Variants in FARP2 observed in about 807,000 individuals in gnomAD.
FARP2 encodes the protein FERM, ARH/RhoGEF and pleckstrin domain protein 2.
FARP2 carries 111 observed loss-of-function variants against 130.5 expected under a neutral mutation model. The observed-to-expected ratio is 0.85, with a 90% CI of 0.73 to 1.00. The LOEUF (loss-of-function observed/expected upper bound fraction) is 1.00. Among genes scored for constraint, FARP2 ranks in the 50% least tolerant of loss-of-function variants. FARP2 has a pLI of 0.00. For missense variants in FARP2, 1,385 were observed against 1,346.3 expected (o/e 1.03, Z -0.45); for synonymous variants, 504 against 516.9 (o/e 0.98, Z 0.34).
intron 1 of FARP2, among the ~76,000 whole-genome samples, chr2:241,364,637 A>G (rs1005658663): frequency 6.6e-6 from 1 of 152,266 alleles, no homozygotes; most frequent in African/African-American, 2.4e-5. Context: ...TCTTGGCAAG[A>G]AAACAGAAGA....
At chr2:241,493,697 C>A in intron 26 of FARP2, 1 of 532,638 alleles carries the variant, frequency 1.9e-6, no homozygotes, top group South Asian at 2.5e-5. Flanking sequence ...AGGGTTCAAG[C>A]GATTCTTCTG....
At chr2:241,388,613 A>G (rs2061840778) in intron 2 of FARP2, among the ~76,000 whole-genome samples, 1 of 152,202 alleles carries the variant, frequency 6.6e-6, no homozygotes, top group Admixed American at 6.5e-5. Context: ...TACATCTAGA[A>G]TATACTTTTT....
chr2:241,384,711 T>C (rs1484588115), intron 2 of FARP2, among the ~76,000 whole-genome samples: 1 of 152,192 alleles, frequency 6.6e-6, no homozygotes, highest in Non-Finnish European at 1.5e-5. Context: ...ACTGGTAAAG[T>C]CAGATCTTTG....
rs977678365 is a variant in FARP2, at chr2:241,468,227, T to A, written c.1981T>A (p.Tyr661Asn). The change falls in exon 18 of 27, where the codon TAC becomes AAC. Residue 661 changes from tyrosine to asparagine, a missense_variant. Tyr to Asn is a moderately radical substitution (Grantham distance 143, BLOSUM62 -2). Coordinates refer to ENST00000264042, the MANE Select transcript of FARP2 (RefSeq NM_014808.4). The stretch of plus-strand genomic sequence containing the variant: ...ACGCTGTAAGAAGTTGGAGGCAGTG[T>A]ACAAGGAGTTTGAGCTGCAGAAGGT... ...TKRCKKLEAV[Y>N]KEFELQKVCY... 2 of 1,613,998 alleles carry A rather than the reference T, an allele frequency of 1.2e-6. No individual in the cohort carries two copies. Among genetic ancestry groups the A allele is most frequent in the Non-Finnish European group, 1.7e-6 (2 of 1,180,012 alleles).
intron 13 of FARP2, among the ~76,000 whole-genome samples, chr2:241,448,186 A>AC (rs554428069): frequency 4.6e-5 from 7 of 150,954 alleles, no homozygotes; most frequent in Non-Finnish European, 7.4e-5. Context: ...GGCCTCACTT[A>AC]CCCCCCCTAC....
intron 13 of FARP2, 149 bp downstream of exon 13, chr2:241,441,705 A>C (rs2063388939): frequency 2.5e-6 from 3 of 1,200,906 alleles, no homozygotes; most frequent in African/African-American, 1.5e-5. Flanking sequence ...ACTTTACCAC[A>C]GGCTCATTTC....
Position 241,494,052 on chromosome 2 carries a change from C to A in FARP2, c.3092C>A (p.Ala1031Asp). Residue 1031 changes from alanine to aspartate, a missense_variant, in exon 27 of 27, where the codon GCC becomes GAC. Transcript: ENST00000264042. This position sits in a 1 kb window ranked among gnomAD's most constrained non-coding sequence, Gnocchi z 4.9. ...IQGASSSAGR[A>D]PSIVQDGPQP... ...GGGGCCAGCAGCTCAGCCGGGAGGGCCCCAAGCATCGTGCAGGATGGCCCC... is the reference window on the plus strand; with the variant it reads ...GGGGCCAGCAGCTCAGCCGGGAGGGACCCAAGCATCGTGCAGGATGGCCCC... 2 of 1,423,840 alleles carry A rather than the reference C, an allele frequency of 1.4e-6. No homozygotes were observed. The highest frequency in any genetic ancestry group is 9.2e-7 in the Non-Finnish European group (1 of 1,088,540). 88.2% of individuals were successfully genotyped at this position (1,423,840 alleles called of 1,614,324 possible).
intron 14 of FARP2, among the ~76,000 whole-genome samples, chr2:241,457,988 A>G (rs1362725755): frequency 6.6e-6 from 1 of 152,078 alleles, no homozygotes; most frequent in Non-Finnish European, 1.5e-5. Flanking sequence ...TTTATCAGAG[A>G]TGATAGGAAT....
Position 241,484,347 on chromosome 2 carries a change from C to T in FARP2, c.2421+16C>T, listed in dbSNP as rs1204133060. ...AGGCATGCTGGTGAGTGGTCTTGCA[C>T]CCTGCCTGGGATTTCCACGTGGTGC... is the stretch of plus-strand genomic sequence containing the variant. On this transcript the variant is annotated intron_variant, in intron 21 of 26. Coordinates refer to ENST00000264042, the MANE Select transcript of FARP2 (RefSeq NM_014808.4). 1 of 1,609,034 alleles carries T rather than the reference C, an allele frequency of 6.2e-7. No homozygotes were observed. Among genetic ancestry groups the T allele is most frequent in the Non-Finnish European group, 8.5e-7 (1 of 1,175,402 alleles).
intron 11 of FARP2, among the ~76,000 whole-genome samples, chr2:241,435,806 C>T (rs550421520): frequency 6.6e-5 from 10 of 151,376 alleles, no homozygotes; most frequent in South Asian, 2.1e-4. Context: ...CCACTGCCCC[C>T]GGCCTGTAAT....
At chr2:241,468,085 C>G in intron 17 of FARP2, 55 bp from the exon 18 acceptor site, 2 of 1,183,100 alleles carry the variant, frequency 1.7e-6, no homozygotes, top group South Asian at 1.2e-5. Context: ...AGGCCAGTCT[C>G]CCCCTGGACT....
rs186379927 is a variant in FARP2, at chr2:241,362,044, G to A, written c.-25+5656G>A. On this transcript the variant is annotated intron_variant, in intron 1 of 26. Transcript: ENST00000264042. Reference sequence around the variant, plus strand: ...CAAGTAGCTGGGATTACAGGCACACGCCACCACGCCCAGCCAATTTTTTTG... The same window carrying A: ...CAAGTAGCTGGGATTACAGGCACACACCACCACGCCCAGCCAATTTTTTTG... Among the ~76,000 whole-genome samples, 178 of 151,834 alleles carry A rather than the reference G, an allele frequency of 1.2e-3. 1 individual carries two copies. Among genetic ancestry groups the A allele is most frequent in the African/African-American group, 3.9e-3 (161 of 41,426 alleles).
chr2:241,390,751 T>C (rs1289923348), intron 2 of FARP2, among the ~76,000 whole-genome samples: 1 of 152,210 alleles, frequency 6.6e-6, no homozygotes, highest in African/African-American at 2.4e-5. Flanking sequence ...CTTATTTTTT[T>C]AGATTATGTT....
At chr2:241,374,191 T>C (rs1396960190) in intron 2 of FARP2, among the ~76,000 whole-genome samples, 1 of 152,054 alleles carries the variant, frequency 6.6e-6, no homozygotes, top group Non-Finnish European at 1.5e-5. Flanking sequence ...TTTGTACTTT[T>C]AGTAGAAACA....
chr2:241,455,938 A>G (rs1159647169), intron 13 of FARP2, among the ~76,000 whole-genome samples: 1 of 151,792 alleles, frequency 6.6e-6, no homozygotes, highest in Non-Finnish European at 1.5e-5. Context: ...ATGGGGTTTC[A>G]CCGTGTTAGC....
chr2:241,470,384 G>GA (rs1574888401), intron 18 of FARP2, among the ~76,000 whole-genome samples: 1 of 151,978 alleles, frequency 6.6e-6, no homozygotes, highest in African/African-American at 2.4e-5. Flanking sequence ...AGTTACGAGG[G>GA]GACGTGGCTC....
intron 19 of FARP2, among the ~76,000 whole-genome samples, chr2:241,479,145 G>A (rs2064550923): frequency 6.6e-6 from 1 of 152,214 alleles, no homozygotes; most frequent in African/African-American, 2.4e-5. Context: ...TCTGAGGTGG[G>A]TGGTGAGAGA....
Position 241,462,590 on chromosome 2 carries a change from A to G in FARP2, c.1655A>G (p.Lys552Arg), listed in dbSNP as rs1448347251. ...CTCGCTACAGAACGAACATACCTCA[A>G]GGATTTAGAAGTTATTACCGTGGTA... ...EILATERTYL[K>R]DLEVITVWFR... The change falls in exon 15 of 27, where the codon AAG becomes AGG. Residue 552 changes from lysine (K) to arginine (R), a missense_variant. By Grantham distance (26) the Lys-to-Arg change is conservative (BLOSUM62 2). Transcript: ENST00000264042. The G allele has an allele frequency of 6.2e-7, 1 of 1,612,280 alleles. No homozygotes were observed. The highest frequency in any genetic ancestry group is 8.5e-7 in the Non-Finnish European group (1 of 1,178,402).
At chr2:241,400,299 C>T (rs1050836063) in intron 2 of FARP2, among the ~76,000 whole-genome samples, 18 of 152,206 alleles carry the variant, frequency 1.2e-4, no homozygotes, top group African/African-American at 4.1e-4. Flanking sequence ...CCACAACAGC[C>T]GTCAGAATCA....
Sources: allele counts gnomAD v4.1 joint callset (sites outside exome capture counted in the v4.1 genomes callset), GRCh38; gene constraint gnomAD v4.1.1; non-coding constraint Gnocchi (gnomAD v3.1); transcripts MANE v1.5; gene names NCBI Gene and HGNC (gene_info 2026-07-23, HGNC 2026-07-21).